Variants in ACOX3 observed in about 807,000 individuals in gnomAD.
The protein encoded by ACOX3 is peroxisomal acyl-coenzyme A oxidase 3.
A neutral mutation model predicts 81.5 loss-of-function variants in ACOX3; 73 were observed. The observed-to-expected ratio is 0.90, with a 90% CI of 0.74 to 1.09. ACOX3 has a LOEUF of 1.09. ACOX3 is among the 50% of genes least tolerant of loss of function. The probability of loss-of-function intolerance (pLI) is 0.00; values close to 1 mark genes in which losing one functional copy is unlikely to be tolerated. For synonymous variants in ACOX3, 387 were observed against 375.1 expected, an observed-to-expected ratio of 1.03 and a Z score of -0.37; for missense variants, 947 against 928.0, an observed-to-expected ratio of 1.02 and a Z score of -0.27.
At chr4:8,411,270 G>A (rs746950951) in intron 5 of ACOX3, among the ~76,000 whole-genome samples, 13 of 152,222 alleles carry the variant, frequency 8.5e-5, no homozygotes, top group African/African-American at 1.4e-4. Flanking sequence ...AGGGGCTGTC[G>A]TGGCTAAGTT....
intron 14 of ACOX3, among the ~76,000 whole-genome samples, chr4:8,376,341 T>A (rs1226477089): frequency 1.2e-5 from 1 of 86,596 alleles, no homozygotes; most frequent in Non-Finnish European, 2.3e-5. Flanking sequence ...GGTGCTACTT[T>A]TAAAATTAAA....
chr4:8,391,043 A>G (rs199782686), intron 11 of ACOX3, among the ~76,000 whole-genome samples: 2 of 86,674 alleles, frequency 2.3e-5, no homozygotes, highest in East Asian at 3.1e-4. Flanking sequence ...GTATATGTAT[A>G]TGTATATGTA....
Position 8,389,561 on chromosome 4 carries a change from C to T in ACOX3, c.1423+51G>A, listed in dbSNP as rs769769967. ...ATCAGTGAGGCCAGGAGAACCCACC[C>T]CTGCCCCAGTTGGGTTCCAGCGCCC... On this transcript the variant is annotated intron_variant, in intron 12 of 17. Transcript: ENST00000356406. The surrounding 1 kb of genome is among the most constrained non-coding windows in gnomAD (Gnocchi z 5.3). The T allele has an allele frequency of 1.9e-6, 3 of 1,610,704 alleles. No homozygotes were observed.
chr4:8,410,445 A>G lies in ACOX3; in HGVS notation c.544-90T>C, dbSNP rs1368417322. 5 of 1,507,988 alleles carry G rather than the reference A, an allele frequency of 3.3e-6. No individual in the cohort carries two copies. The African/African-American group carries it at 5.5e-5, about 17-fold the overall frequency. 93.4% of individuals were successfully genotyped at this position (1,507,988 alleles called of 1,614,324 possible). A position where few individuals can be genotyped will look rare whatever the true frequency, so the allele number is the denominator to read the frequency against. ...TCCTTTTAGACAGATTCCATTTTCTACGTTCAAAATCTCTGAGGCAAGAGT... is the reference window on the plus strand; with the variant it reads ...TCCTTTTAGACAGATTCCATTTTCTGCGTTCAAAATCTCTGAGGCAAGAGT... On this transcript the variant is annotated intron_variant, in intron 5 of 17. Transcript: ENST00000356406.
At chr4:8,422,505 A>T (rs1467405500) in intron 1 of ACOX3, among the ~76,000 whole-genome samples, 1 of 152,208 alleles carries the variant, frequency 6.6e-6, no homozygotes, top group East Asian at 1.9e-4. Flanking sequence ...AATAGAGATC[A>T]GGAGGAGCAG....
rs1360560413 is a variant in ACOX3 at position 8,406,983 on chromosome 4, T to C, written c.688-940A>G. Among the ~76,000 whole-genome samples the C allele has an allele frequency of 6.6e-6, 1 of 152,106 alleles. No individual in the cohort carries two copies. The highest frequency in any genetic ancestry group is 2.4e-5 in the African/African-American group (1 of 41,424). ...TCCCCCAGGGAAAGGGAGACTCCCT[T>C]TCCCAGTCTGCTAAGTAGCAGGTGT... On this transcript the variant is annotated intron_variant, in intron 6 of 17. Coordinates refer to ENST00000356406, the MANE Select transcript of ACOX3 (RefSeq NM_003501.3). This position sits in a 1 kb window ranked among gnomAD's most constrained non-coding sequence, Gnocchi z 5.6.
At position 8,416,546 on chromosome 4, in the gene ACOX3, C is replaced by T; in HGVS notation, c.-14-11G>A. ...TCGCGTGATAAGAGCCTGCACAAAA[C>T]ATGCAACCTGAATCCATGCTCTCCC... On this transcript the variant is annotated splice_polypyrimidine_tract_variant and intron_variant, in intron 1 of 17. Coordinates refer to ENST00000356406, the MANE Select transcript of ACOX3 (RefSeq NM_003501.3). This position sits in a 1 kb window ranked among gnomAD's most constrained non-coding sequence, Gnocchi z 4.2. The T allele has an allele frequency of 1.3e-6, 2 of 1,568,578 alleles. No homozygotes were observed. Among genetic ancestry groups the T allele is most frequent in the Non-Finnish European group, 1.7e-6 (2 of 1,156,296 alleles).
chr4:8,425,828 A>T (rs775422390), intron 1 of ACOX3, among the ~76,000 whole-genome samples: 1 of 152,080 alleles, frequency 6.6e-6, no homozygotes, highest in African/African-American at 2.4e-5. Context: ...TTACAGAGTG[A>T]CAATGGCCCC....
intron 14 of ACOX3, among the ~76,000 whole-genome samples, chr4:8,376,848 C>G (rs1717030142): frequency 7.8e-6 from 1 of 127,834 alleles, no homozygotes; most frequent in South Asian, 2.5e-4. Flanking sequence ...GACTGCCTGA[C>G]AGACCCCAGC....
chr4:8,422,426 A>G (rs201130815), intron 1 of ACOX3, among the ~76,000 whole-genome samples: 1 of 152,234 alleles, frequency 6.6e-6, no homozygotes, highest in Non-Finnish European at 1.5e-5. Context: ...AAAAACTTCA[A>G]AAGTCCACCT....
intron 9 of ACOX3, 64 bp downstream of exon 9, chr4:8,396,873 G>T: frequency 6.4e-7 from 1 of 1,562,340 alleles, no homozygotes; most frequent in South Asian, 1.2e-5. Flanking sequence ...CGGCAACTAT[G>T]TAAAAGAAGT....
chr4:8,357,238 G>T, the ACOX3 span: 1 of 456,774 alleles, frequency 2.2e-6, no homozygotes, highest in South Asian at 1.5e-5. Flanking sequence ...CCCAGCAGCT[G>T]AGAGAAAAGT....
chr4:8,368,038 T>C lies in ACOX3; in HGVS notation c.1984-958A>G, dbSNP rs1257575643. 6.6e-6 allele frequency among the ~76,000 whole-genome samples: 1 copy of C among 151,312 alleles called. No homozygotes were observed. Among genetic ancestry groups the C allele is most frequent in the Non-Finnish European group, 1.5e-5 (1 of 67,926 alleles). On this transcript the variant is annotated intron_variant, in intron 17 of 17. Coordinates refer to ENST00000356406, the MANE Select transcript of ACOX3 (RefSeq NM_003501.3). The surrounding 1 kb of genome is among the most constrained non-coding windows in gnomAD (Gnocchi z 5.9). ...ATCGTGGCAGTGGACACGCTGTTTC[T>C]TAGTAACTGCAGCCACCGCAGGATG...
chr4:8,375,256 G>A (rs11730909), intron 14 of ACOX3, 104 bp from the exon 15 acceptor site: 103,562 of 1,160,210 alleles, frequency 0.089, 5,292 homozygotes, highest in East Asian at 0.15. Flanking sequence ...CTGCGTTCCC[G>A]TGCATGTCCT....
intron 14 of ACOX3, among the ~76,000 whole-genome samples, chr4:8,376,640 C>T (rs1417919038): frequency 6.6e-6 from 1 of 152,188 alleles, no homozygotes; most frequent in East Asian, 1.9e-4. Context: ...CCGCTGGGCC[C>T]CGCACACTCC....
chr4:8,407,886 C>T lies in ACOX3; in HGVS notation c.688-1843G>A. On this transcript the variant is annotated intron_variant, in intron 6 of 17. Coordinates refer to ENST00000356406, the MANE Select transcript of ACOX3 (RefSeq NM_003501.3). The surrounding 1 kb of genome is among the most constrained non-coding windows in gnomAD (Gnocchi z 4.6). ...CACCTTCCCCTTCCCCACCAGGGGA[C>T]ACGGGTGGTGTCTGGAGAGATTCTG... is the stretch of plus-strand genomic sequence containing the variant. Among the ~76,000 whole-genome samples, 1 of 152,216 alleles carries T rather than the reference C, an allele frequency of 6.6e-6. No individual in the cohort carries two copies. The highest frequency in any genetic ancestry group is 1.9e-4 in the East Asian group (1 of 5,190).
rs901859776 is a variant in ACOX3 at position 8,406,487 on chromosome 4, G to A, written c.688-444C>T. ...TAGAGATAAAGACACAAGACAAAGA[G>A]ATAAAAGAAAAGACGGCTGGGTCCG... On this transcript the variant is annotated intron_variant, in intron 6 of 17. Coordinates refer to ENST00000356406, the MANE Select transcript of ACOX3 (RefSeq NM_003501.3). This position sits in a 1 kb window ranked among gnomAD's most constrained non-coding sequence, Gnocchi z 5.6. 6.6e-6 allele frequency among the ~76,000 whole-genome samples: 1 copy of A among 152,186 alleles called. No homozygotes were observed. The highest frequency in any genetic ancestry group is 1.5e-5 in the Non-Finnish European group (1 of 68,026).
rs1716686211 is a variant in ACOX3 at position 8,374,630 on chromosome 4, C to T, written c.1828+348G>A. ...AGGAAGCCTTCCAGTATTCCCAAGT[C>T]TAGGCACTCCTGGCTCGTGTCTGTC... On this transcript the variant is annotated intron_variant, in intron 15 of 17. Coordinates refer to ENST00000356406, the MANE Select transcript of ACOX3 (RefSeq NM_003501.3). The T allele has an allele frequency of 1.8e-5, 4 of 223,436 alleles. No homozygotes were observed. In the Admixed American group the frequency reaches 2.3e-4, roughly 13 times the overall value. The allele number at this position is 223,436 out of a possible 1,614,324, so 13.8% of individuals were successfully genotyped here.
chr4:8,394,735 C>A lies in ACOX3; in HGVS notation c.1064G>T (p.Arg355Leu), dbSNP rs200719657. ...PVLEYPMQQWRLLPYLAAVYA... is the reference protein window; with the variant it reads ...PVLEYPMQQWLLLPYLAAVYA... ...GACAGCTGCCAGATATGGAAGCAAG[C>A]GCCATTGCTAGAACAGACAAGACAC... Residue 355 changes from arginine (R) to leucine (L), a missense_variant, in exon 10 of 18, where the codon CGC becomes CTC. Transcript: ENST00000356406. This position sits in a 1 kb window ranked among gnomAD's most constrained non-coding sequence, Gnocchi z 5.9. The A allele has an allele frequency of 3.1e-6, 5 of 1,612,840 alleles. No homozygotes were observed. The highest frequency in any genetic ancestry group is 3.3e-5 in the Admixed American group (2 of 59,966).
Sources: gnomAD v4.1 joint callset for allele counts (sites outside exome capture counted in the v4.1 genomes callset) on GRCh38, gnomAD v4.1.1 for gene constraint, Gnocchi (gnomAD v3.1) non-coding constraint, MANE v1.5 for transcripts, NCBI Gene and HGNC (gene_info 2026-07-23, HGNC 2026-07-21) for gene names.